The following KCNAB1 variants were observed in gnomAD, a reference collection of about 807,000 sequenced individuals.
KCNAB1 encodes the protein potassium voltage-gated channel subfamily A regulatory beta subunit 1.
Under a neutral mutation model 64.6 loss-of-function variants are expected in KCNAB1, and 35 were observed. The ratio of observed to expected loss-of-function variants is 0.54; its 90% confidence interval spans 0.41 to 0.72. The LOEUF (loss-of-function observed/expected upper bound fraction) is 0.72, where lower values mean the gene tolerates loss of function less well. KCNAB1 is among the 30% of genes least tolerant of loss of function. The pLI is 0.00. For missense variants in KCNAB1, 401 were observed against 512.9 expected (o/e 0.78, Z 2.11); for synonymous variants, 177 against 183.8 (o/e 0.96, Z 0.30).
At position 156,144,983 on chromosome 3, in the gene KCNAB1, C is replaced by A. The variant is rs116338828; in HGVS notation, c.275+24097C>A. Among the ~76,000 whole-genome samples, 1,030 of 152,282 alleles carry A rather than the reference C, an allele frequency of 6.8e-3. 11 individuals carry two copies. The highest frequency in any genetic ancestry group is 0.017 in the South Asian group (81 of 4,826). On this transcript the variant is annotated intron_variant, in intron 1 of 13. Transcript: ENST00000490337. ...ACAGGTGAAAGCAAAGCTGCCTCAG[C>A]TAAAGGTGGGAGCTTGGAGCCCACC...
intron 1 of KCNAB1, among the ~76,000 whole-genome samples, chr3:156,401,785 G>A (rs1713910986): frequency 6.6e-6 from 1 of 151,968 alleles, no homozygotes; most frequent in Admixed American, 6.5e-5. Context: ...TCTAGAATAT[G>A]TTCTTCTCTA....
At chr3:156,531,545 T>G (rs774496419) in intron 13 of KCNAB1, 48 bp downstream of exon 13, 1 of 1,337,724 alleles carries the variant, frequency 7.5e-7, no homozygotes, top group South Asian at 1.2e-5. Context: ...ATGGTGCCTT[T>G]GAGGCTATCT....
intron 1 of KCNAB1, among the ~76,000 whole-genome samples, chr3:156,141,024 T>C (rs1714674919): frequency 6.6e-6 from 1 of 151,818 alleles, no homozygotes; most frequent in African/African-American, 2.4e-5. Flanking sequence ...GCTGGAATCA[T>C]GTGGTGGAAA....
chr3:156,165,864 T>C (rs906894022), intron 1 of KCNAB1, among the ~76,000 whole-genome samples: 2 of 152,230 alleles, frequency 1.3e-5, no homozygotes, highest in Non-Finnish European at 2.9e-5. Flanking sequence ...TCTCCTTGAA[T>C]TGGGGACTTG....
At chr3:156,355,732 G>A (rs773767396) in intron 1 of KCNAB1, among the ~76,000 whole-genome samples, 62 of 152,188 alleles carry the variant, frequency 4.1e-4, no homozygotes, top group Non-Finnish European at 6.8e-4. Flanking sequence ...TGAGGGACTC[G>A]ATTTTGAATC....
chr3:156,475,271 G>A (rs1714257387), intron 8 of KCNAB1, among the ~76,000 whole-genome samples: 1 of 152,160 alleles, frequency 6.6e-6, no homozygotes, highest in African/African-American at 2.4e-5. Flanking sequence ...CCACAGCAGT[G>A]ACTGCTTCAA....
At chr3:156,430,296 C>T (rs1223686417) in intron 2 of KCNAB1, among the ~76,000 whole-genome samples, 1 of 152,200 alleles carries the variant, frequency 6.6e-6, no homozygotes, top group Non-Finnish European at 1.5e-5. Flanking sequence ...GGTCTGTACA[C>T]AGAGGGGTTT....
At chr3:156,536,370 A>T (rs1021664737) in intron 13 of KCNAB1, among the ~76,000 whole-genome samples, 1 of 152,234 alleles carries the variant, frequency 6.6e-6, no homozygotes, top group Non-Finnish European at 1.5e-5. Context: ...CTAATAGAAA[A>T]TTTTAAATTA....
At chr3:156,511,352 C>T (rs1717197177) in intron 8 of KCNAB1, among the ~76,000 whole-genome samples, 1 of 152,192 alleles carries the variant, frequency 6.6e-6, no homozygotes, top group Non-Finnish European at 1.5e-5. Flanking sequence ...ATCCACCCGC[C>T]TCGGCCTCCC....
chr3:156,335,854 T>G (rs796135065), intron 1 of KCNAB1, among the ~76,000 whole-genome samples: 2 of 50,668 alleles, frequency 3.9e-5, no homozygotes, highest in African/African-American at 4.6e-4. Flanking sequence ...ATTGTTTGGG[T>G]TTTTTTTTTT....
At chr3:156,169,103 G>T (rs4580504) in intron 1 of KCNAB1, among the ~76,000 whole-genome samples, 1 of 151,906 alleles carries the variant, frequency 6.6e-6, no homozygotes, top group African/African-American at 2.4e-5. Flanking sequence ...AGAAATCTTC[G>T]TATTATCCAC....
intron 1 of KCNAB1, among the ~76,000 whole-genome samples, chr3:156,359,739 G>T (rs557918855): frequency 6.6e-6 from 1 of 152,314 alleles, no homozygotes; most frequent in Non-Finnish European, 1.5e-5. Context: ...GATATGTACG[G>T]CATGCCATTA....
chr3:156,428,478 A>G (rs1715974372), intron 2 of KCNAB1, among the ~76,000 whole-genome samples: 1 of 112,884 alleles, frequency 8.9e-6, no homozygotes, highest in African/African-American at 4.4e-5. Flanking sequence ...AATTCCTTAT[A>G]ATTCCTCTAT....
At chr3:156,210,463 T>C (rs1714942642) in intron 1 of KCNAB1, among the ~76,000 whole-genome samples, 1 of 152,214 alleles carries the variant, frequency 6.6e-6, no homozygotes, top group African/African-American at 2.4e-5. Flanking sequence ...CTCCAGCAGA[T>C]AGAGGTTATT....
At chr3:156,273,037 C>A (rs1394962391) in intron 1 of KCNAB1, among the ~76,000 whole-genome samples, 1 of 152,010 alleles carries the variant, frequency 6.6e-6, no homozygotes, top group Admixed American at 6.5e-5. Context: ...GGGCCTTGCA[C>A]CTCTGCCTGC....
intron 8 of KCNAB1, among the ~76,000 whole-genome samples, chr3:156,497,101 G>T (rs563934763): frequency 5.3e-5 from 8 of 152,170 alleles, no homozygotes; most frequent in African/African-American, 1.4e-4. Flanking sequence ...ACTAAGAAAA[G>T]CAGTCTATTC....
At chr3:156,150,237 C>G (rs1459434006) in intron 1 of KCNAB1, among the ~76,000 whole-genome samples, 1 of 152,038 alleles carries the variant, frequency 6.6e-6, no homozygotes, top group Non-Finnish European at 1.5e-5. Context: ...ACAAACAGAA[C>G]GTGTTATTTC....
chr3:156,227,808 T>C lies in KCNAB1; in HGVS notation c.275+106922T>C, dbSNP rs952652801. 2.6e-5 allele frequency: 4 copies of C among 152,388 alleles called. 1 individual carries two copies. Among genetic ancestry groups the C allele is most frequent in the Admixed American group, 6.5e-5 (1 of 15,312 alleles). The allele number at this position is 152,388 out of a possible 1,614,324, so 9.4% of individuals were successfully genotyped here. ...GGCACCATCCCGGTTCAGAGCTGTT[T>C]AGGCAAACTGTGCTTAAGGAGGGAC... On this transcript the variant is annotated intron_variant, in intron 1 of 13. Transcript: ENST00000490337.
chr3:156,383,212 A>T (rs1470007003), intron 1 of KCNAB1, among the ~76,000 whole-genome samples: 1 of 152,216 alleles, frequency 6.6e-6, no homozygotes. Context: ...GGGAGCAAGG[A>T]GTAGGTACAT....
Sources: allele counts gnomAD v4.1 joint callset (sites outside exome capture counted in the v4.1 genomes callset), GRCh38; gene constraint gnomAD v4.1.1; transcripts MANE v1.5; gene names NCBI Gene and HGNC (gene_info 2026-07-23, HGNC 2026-07-21).